The following XKR9 variants were observed in gnomAD, a reference collection of about 807,000 sequenced individuals.
XKR9 encodes the protein XK-related protein 9.
Under a neutral mutation model 32.0 loss-of-function variants are expected in XKR9, and 32 were observed. The observed-to-expected ratio is 1.00, with a 90% CI of 0.76 to 1.34. The LOEUF is 1.34. XKR9 is among the 40% of genes most tolerant of loss of function. The probability of loss-of-function intolerance (pLI) is 0.00; values close to 1 mark genes in which losing one functional copy is unlikely to be tolerated. For missense variants in XKR9, 546 were observed against 429.7 expected (o/e 1.27, Z -2.39); for synonymous variants, 168 against 143.4 (o/e 1.17, Z -1.22).
chr8:70,995,107 G>A, the XKR9 span, among the ~76,000 whole-genome samples: 1 of 152,136 alleles, frequency 6.6e-6, no homozygotes, highest in Admixed American at 6.6e-5. Flanking sequence ...TAAGGACAGG[G>A]CAGAGGGCAT....
At chr8:71,031,069 T>G in the XKR9 span, among the ~76,000 whole-genome samples, 1 of 152,296 alleles carries the variant, frequency 6.6e-6, no homozygotes, top group Non-Finnish European at 1.5e-5. Context: ...CCTTCCAAAC[T>G]AAACTGTTAA....
chr8:70,862,036 T>C, the XKR9 span, among the ~76,000 whole-genome samples: 1 of 152,166 alleles, frequency 6.6e-6, no homozygotes, highest in Non-Finnish European at 1.5e-5. Flanking sequence ...TTTGTCCATA[T>C]GAACAAGTGA....
chr8:70,859,284 C>T, the XKR9 span, among the ~76,000 whole-genome samples: 1 of 152,028 alleles, frequency 6.6e-6, no homozygotes, highest in East Asian at 1.9e-4. Flanking sequence ...GAAATGCAAT[C>T]AAAACCATCA....
At chr8:70,888,833 A>G in the XKR9 span, among the ~76,000 whole-genome samples, 1 of 152,018 alleles carries the variant, frequency 6.6e-6, no homozygotes, top group Admixed American at 6.6e-5. Context: ...TTATACCAAT[A>G]CCATGCTGTC....
chr8:70,853,654 C>A, the XKR9 span, among the ~76,000 whole-genome samples: 2 of 151,836 alleles, frequency 1.3e-5, no homozygotes, highest in Non-Finnish European at 2.9e-5. Flanking sequence ...TTAGGTATAT[C>A]TCCTAATGCT....
chr8:70,930,311 G>T, the XKR9 span, among the ~76,000 whole-genome samples: 1,520 of 152,186 alleles, frequency 1.0e-2, 24 homozygotes, highest in African/African-American at 0.035. Context: ...AATTGTGGGG[G>T]AGTAGGAAGG....
chr8:70,774,562 T>A (rs1284599015), intron 2 of XKR9, among the ~76,000 whole-genome samples: 1 of 152,144 alleles, frequency 6.6e-6, no homozygotes, highest in African/African-American at 2.4e-5. Context: ...TATAGGCCAT[T>A]TGGGGTGTTC....
At chr8:70,816,516 A>C in the XKR9 span, among the ~76,000 whole-genome samples, 1 of 152,204 alleles carries the variant, frequency 6.6e-6, no homozygotes, top group African/African-American at 2.4e-5. Context: ...AGATTGACTA[A>C]AGAAAATGTG....
At chr8:70,716,530 A>G (rs1806096037) in intron 4 of XKR9, among the ~76,000 whole-genome samples, 1 of 152,038 alleles carries the variant, frequency 6.6e-6, no homozygotes, top group Non-Finnish European at 1.5e-5. Flanking sequence ...ATGAAGGGGG[A>G]AGCCCCTTAT....
At chr8:70,953,512 A>T in the XKR9 span, among the ~76,000 whole-genome samples, 1 of 151,984 alleles carries the variant, frequency 6.6e-6, no homozygotes, top group Non-Finnish European at 1.5e-5. Flanking sequence ...GGGTCTCCCT[A>T]TGTTGCCCAG....
chr8:70,973,244 G>A, the XKR9 span, among the ~76,000 whole-genome samples: 163 of 152,008 alleles, frequency 1.1e-3, no homozygotes, highest in African/African-American at 3.8e-3. Context: ...TTTCTAGTAT[G>A]TATGTAAAGG....
the XKR9 span, among the ~76,000 whole-genome samples, chr8:70,931,368 T>C: frequency 3.6e-3 from 553 of 152,264 alleles, 7 homozygotes; most frequent in Middle Eastern, 6.8e-3. Flanking sequence ...TGTTCAGGTC[T>C]GTATGACCAG....
At chr8:70,958,704 T>C in the XKR9 span, among the ~76,000 whole-genome samples, 1 of 152,336 alleles carries the variant, frequency 6.6e-6, no homozygotes, top group East Asian at 1.9e-4. Context: ...TTTAATTAGA[T>C]CCCATTTGTC....
At chr8:70,881,617 T>G in the XKR9 span, among the ~76,000 whole-genome samples, 1 of 152,010 alleles carries the variant, frequency 6.6e-6, no homozygotes, top group African/African-American at 2.4e-5. Flanking sequence ...AGGAAACAAC[T>G]GATGCTGGAG....
At chr8:70,941,515 T>A in the XKR9 span, among the ~76,000 whole-genome samples, 2 of 152,082 alleles carry the variant, frequency 1.3e-5, no homozygotes, top group Admixed American at 6.6e-5. Context: ...AGTTAGCACA[T>A]CTGAAGAGGG....
At chr8:70,745,347 T>C (rs576801079) in intron 2 of XKR9, among the ~76,000 whole-genome samples, 42 of 152,348 alleles carry the variant, frequency 2.8e-4, no homozygotes, top group African/African-American at 9.6e-4. Context: ...TATGTGTATA[T>C]AAAAGGCCTT....
At chr8:70,727,301 A>C (rs1806503907) in intron 4 of XKR9, among the ~76,000 whole-genome samples, 1 of 151,298 alleles carries the variant, frequency 6.6e-6, no homozygotes, top group African/African-American at 2.4e-5. Flanking sequence ...ATTTTAACTA[A>C]AATATTTTTG....
chr8:70,758,407 T>G (rs944458762), intron 2 of XKR9, among the ~76,000 whole-genome samples: 22 of 152,176 alleles, frequency 1.4e-4, no homozygotes, highest in African/African-American at 5.3e-4. Flanking sequence ...CAAATTGTGG[T>G]TCTTTGGACA....
At chr8:70,688,899 A>G (rs1366034441) in intron 3 of XKR9, among the ~76,000 whole-genome samples, 1 of 152,206 alleles carries the variant, frequency 6.6e-6, no homozygotes, top group Non-Finnish European at 1.5e-5. Context: ...AATGTAAAAT[A>G]CTATAAAAGA....
Sources: gnomAD v4.1 joint callset for allele counts (sites outside exome capture counted in the v4.1 genomes callset) on GRCh38, gnomAD v4.1.1 for gene constraint, MANE v1.5 for transcripts, NCBI Gene and HGNC (gene_info 2026-07-23, HGNC 2026-07-21) for gene names.